The following SLC25A12 variants were observed in gnomAD, a reference collection of about 807,000 sequenced individuals.
SLC25A12 encodes solute carrier family 25 member 12, also known as electrogenic aspartate/glutamate antiporter SLC25A12, mitochondrial.
Under a neutral mutation model 83.3 loss-of-function variants are expected in SLC25A12, and 32 were observed. That is an observed-to-expected ratio of 0.38 (90% CI 0.29 to 0.52). SLC25A12 has a LOEUF of 0.52. Ranked by LOEUF, SLC25A12 falls within the 20% of genes least tolerant of loss-of-function variation. The probability of loss-of-function intolerance (pLI) is 0.84; values close to 1 mark genes in which losing one functional copy is unlikely to be tolerated. For missense variants in SLC25A12, 611 were observed against 835.6 expected, an observed-to-expected ratio of 0.73 and a Z score of 3.31; for synonymous variants, 267 against 291.1, an observed-to-expected ratio of 0.92 and a Z score of 0.84.
chr2:171,849,386 C>T (rs1050888703), intron 4 of SLC25A12, among the ~76,000 whole-genome samples: 23 of 150,552 alleles, frequency 1.5e-4, no homozygotes, highest in South Asian at 2.1e-4. Context: ...CTGCAATATC[C>T]GAAAGCAACA....
chr2:171,838,930 T>A (rs992075542), intron 5 of SLC25A12, among the ~76,000 whole-genome samples: 6 of 152,110 alleles, frequency 3.9e-5, no homozygotes, highest in Non-Finnish European at 8.8e-5. Flanking sequence ...ATATTTGAAG[T>A]CTTCCAAAAT....
intron 9 of SLC25A12, among the ~76,000 whole-genome samples, chr2:171,822,500 C>G (rs1684214245): frequency 6.6e-6 from 1 of 152,210 alleles, no homozygotes; most frequent in Admixed American, 6.5e-5. Flanking sequence ...CCTCCCACCT[C>G]TGTCTCCCAA....
chr2:171,815,680 A>C (rs1161222830), intron 9 of SLC25A12, among the ~76,000 whole-genome samples: 1 of 152,186 alleles, frequency 6.6e-6, no homozygotes, highest in Non-Finnish European at 1.5e-5. Flanking sequence ...ATCTCTAATG[A>C]CTACTGCCAC....
chr2:171,802,753 G>A (rs553033544), intron 13 of SLC25A12, among the ~76,000 whole-genome samples: 1 of 152,282 alleles, frequency 6.6e-6, no homozygotes, highest in African/African-American at 2.4e-5. Context: ...TCCAGCCTGG[G>A]CGACAGTGCG....
chr2:171,793,815 C>T (rs548370539), intron 13 of SLC25A12, 48 bp from the exon 14 acceptor site: 11 of 1,612,156 alleles, frequency 6.8e-6, no homozygotes, highest in Admixed American at 1.7e-5. Flanking sequence ...CAGAGCCCGA[C>T]TGGCAGCGTA....
chr2:171,850,251 G>T (rs976108219), intron 4 of SLC25A12, among the ~76,000 whole-genome samples: 1 of 149,496 alleles, frequency 6.7e-6, no homozygotes, highest in Non-Finnish European at 1.5e-5. Flanking sequence ...AAGTAGCTGA[G>T]ATTACAGGCA....
At chr2:171,833,182 A>G (rs973013327) in intron 8 of SLC25A12, among the ~76,000 whole-genome samples, 8 of 152,090 alleles carry the variant, frequency 5.3e-5, no homozygotes, top group African/African-American at 1.9e-4. Context: ...TCAAGAAGTC[A>G]CCCTATCTCC....
rs144498418 is a variant in SLC25A12, at chr2:171,874,435, T to C, written c.67-5612A>G. Among the ~76,000 whole-genome samples, 915 of 152,302 alleles carry C rather than the reference T, an allele frequency of 6.0e-3. 7 individuals are homozygous for C. Among genetic ancestry groups the C allele is most frequent in the African/African-American group, 0.019 (775 of 41,564 alleles). ...AAAGAAAATACTAGAAATGGGATTA[T>C]GGTGATCTTTGTTCTCGCTCTTCAC... On this transcript the variant is annotated intron_variant, in intron 2 of 17. Coordinates refer to ENST00000422440, the MANE Select transcript of SLC25A12 (RefSeq NM_003705.5).
intron 13 of SLC25A12, among the ~76,000 whole-genome samples, chr2:171,802,476 AT>A (rs1683728277): frequency 1.3e-5 from 2 of 152,110 alleles, no homozygotes; most frequent in Non-Finnish European, 2.9e-5. Context: ...TCACAATGAG[AT>A]TTAAAAATCT....
At chr2:171,836,756 C>A (rs2105888430) in intron 6 of SLC25A12, among the ~76,000 whole-genome samples, 1 of 152,214 alleles carries the variant, frequency 6.6e-6, no homozygotes, top group Non-Finnish European at 1.5e-5. Context: ...TTACTGCCCA[C>A]TGGAAAAAGT....
chr2:171,791,430 T>TA (rs763137108), intron 15 of SLC25A12, 21 bp downstream of exon 15: 322 of 1,586,672 alleles, frequency 2.0e-4, no homozygotes, highest in Non-Finnish European at 2.5e-4. Flanking sequence ...TTCTTTCAGT[T>TA]AAAAAAAAAT....
rs1437619207 is a variant in SLC25A12 at position 171,868,700 on chromosome 2, C to T, written c.190G>A (p.Ala64Thr). Residue 64 changes from alanine to threonine, a missense_variant, in exon 3 of 18, where the codon GCT becomes ACT. Transcript: ENST00000422440. The part of the protein sequence containing the change: ...PKIVQLLAGV[A>T]DQTKDGLISY... ...ACTTACCCATCCTTGGTTTGATCAG[C>T]TACTCCTGCCAAGAGCTGCACGATC... The T allele has an allele frequency of 1.2e-6, 2 of 1,613,864 alleles. No individual in the cohort carries two copies. Among genetic ancestry groups the T allele is most frequent in the African/African-American group, 1.3e-5 (1 of 74,902 alleles).
At chr2:171,871,627 G>A (rs938752379) in intron 2 of SLC25A12, 1 of 740,538 alleles carries the variant, frequency 1.4e-6, no homozygotes. Context: ...GCCCTCACCT[G>A]TATCTTTGTA....
chr2:171,855,708 T>G (rs2105905707), intron 4 of SLC25A12, 126 bp downstream of exon 4: 1 of 742,198 alleles, frequency 1.3e-6, no homozygotes. Flanking sequence ...GCATAAATCC[T>G]TTTAGGAAAT....
intron 6 of SLC25A12, 77 bp downstream of exon 6, chr2:171,837,044 C>A: frequency 7.1e-7 from 1 of 1,407,528 alleles, no homozygotes; most frequent in African/African-American, 1.4e-5. Context: ...TCATATGAGT[C>A]CCTGGAGGCA....
At chr2:171,869,096 T>C (rs772677262) in intron 2 of SLC25A12, among the ~76,000 whole-genome samples, 8 of 152,196 alleles carry the variant, frequency 5.3e-5, no homozygotes, top group Non-Finnish European at 1.0e-4. Flanking sequence ...TATTATGTGA[T>C]ACTATTAAGT....
At chr2:171,797,336 G>A (rs758151633) in intron 13 of SLC25A12, among the ~76,000 whole-genome samples, 4 of 151,950 alleles carry the variant, frequency 2.6e-5, no homozygotes, top group Non-Finnish European at 4.4e-5. Context: ...ATAAAATCAC[G>A]CCAAATGACA....
chr2:171,893,165 T>G (rs1685981218), intron 2 of SLC25A12, 40 bp downstream of exon 2: 1 of 1,562,046 alleles, frequency 6.4e-7, no homozygotes, highest in African/African-American at 1.4e-5. Context: ...GTACGTTTTT[T>G]GTTTTTGCAA....
chr2:171,866,268 A>G (rs1282497485), intron 3 of SLC25A12, among the ~76,000 whole-genome samples: 79 of 143,478 alleles, frequency 5.5e-4, no homozygotes, highest in Non-Finnish European at 9.6e-4. Flanking sequence ...CGATTTCTCA[A>G]TCTTTTCCCC....
Sources: gnomAD v4.1 joint callset for allele counts (sites outside exome capture counted in the v4.1 genomes callset) on GRCh38, gnomAD v4.1.1 for gene constraint, MANE v1.5 for transcripts, NCBI Gene and HGNC (gene_info 2026-07-23, HGNC 2026-07-21) for gene names.